The following RNF126 variants were observed in gnomAD, a reference collection of about 807,000 sequenced individuals.
The protein encoded by RNF126 is ring finger protein 126.
RNF126 carries 20 observed loss-of-function variants against 41.9 expected under a neutral mutation model. The observed-to-expected ratio is 0.48, with a 90% confidence interval of 0.34 to 0.69. The LOEUF (loss-of-function observed/expected upper bound fraction) is 0.69. Ranked by LOEUF, RNF126 falls within the 30% of genes least tolerant of loss-of-function variation. The probability of loss-of-function intolerance (pLI) is 0.01; values close to 1 mark genes in which losing one functional copy is unlikely to be tolerated. For missense variants in RNF126, 433 were observed against 460.6 expected, an observed-to-expected ratio of 0.94 and a Z score of 0.55; for synonymous variants, 239 against 202.9, an observed-to-expected ratio of 1.18 and a Z score of -1.51.
chr19:649,479 G>A, intron 6 of RNF126, 200 bp downstream of exon 6: 2 of 581,794 alleles, frequency 3.4e-6, no homozygotes, highest in South Asian at 4.1e-5. Context: ...GAACACAGGA[G>A]AACCCCCAAA....
At chr19:649,267 G>T (rs966104645) in intron 6 of RNF126, 2 of 335,330 alleles carry the variant, frequency 6.0e-6, no homozygotes, top group South Asian at 1.0e-4. Context: ...GGAATGGGGG[G>T]GCCGTGCTCC....
chr19:648,364 G>GGGGGGGGGGGGCCC lies in RNF126; in HGVS notation c.786+7_786+8insGGGCCCCCCCCCCC. Reference sequence around the variant, plus strand: ...CGGGGTGGGGGGGCGGGTGGGCGGGGCACTCACCTGCTCCAGCCAGGGCAC... The same window carrying GGGGGGGGGGGGCCC: ...CGGGGTGGGGGGGCGGGTGGGCGGGGGGGGGGGGGGGCCCCACTCACCTGCTCCAGCCAGGGCAC... On this transcript the variant is annotated splice_region_variant and intron_variant, in intron 8 of 8. Transcript: ENST00000292363. The GGGGGGGGGGGGCCC allele has an allele frequency of 2.0e-6, 1 of 510,488 alleles. No homozygotes were observed. Among genetic ancestry groups the GGGGGGGGGGGGCCC allele is most frequent in the Non-Finnish European group, 3.6e-6 (1 of 278,354 alleles). The allele number at this position is 510,488 out of a possible 1,614,324, so 31.6% of individuals were successfully genotyped here.
At chr19:654,591 T>C (rs1255068786) in intron 1 of RNF126, among the ~76,000 whole-genome samples, 2 of 119,558 alleles carry the variant, frequency 1.7e-5, no homozygotes, top group Non-Finnish European at 1.6e-5. Flanking sequence ...TGCAGTGAGC[T>C]GAGATTGTGC....
chr19:649,141 C>A (rs2030129593), intron 6 of RNF126, 166 bp from the exon 7 acceptor site: 1 of 388,684 alleles, frequency 2.6e-6, no homozygotes, highest in Non-Finnish European at 4.5e-6. Flanking sequence ...GCCCACGCGG[C>A]CCCCCCGCTC....
chr19:651,921 G>A (rs2030319602), intron 3 of RNF126, 66 bp from the exon 4 acceptor site: 6 of 1,445,902 alleles, frequency 4.1e-6, no homozygotes, highest in South Asian at 2.5e-5. Flanking sequence ...GGGCGCTAGG[G>A]CACAAAGACA....
At chr19:661,121 C>T (rs917291893) in intron 1 of RNF126, among the ~76,000 whole-genome samples, 3 of 152,390 alleles carry the variant, frequency 2.0e-5, no homozygotes, top group Admixed American at 1.3e-4. Context: ...GGAAGGCCCT[C>T]CCCAGGCCCA....
At chr19:654,536 G>T (rs919409828) in intron 1 of RNF126, among the ~76,000 whole-genome samples, 2 of 147,920 alleles carry the variant, frequency 1.4e-5, no homozygotes, top group Non-Finnish European at 3.0e-5. Flanking sequence ...CCAGCTACTT[G>T]GGAGGCTGAG....
chr19:651,211 A>G (rs2030262938), intron 4 of RNF126, among the ~76,000 whole-genome samples: 1 of 150,246 alleles, frequency 6.7e-6, no homozygotes, highest in Non-Finnish European at 1.5e-5. Context: ...CGGCTCCCCC[A>G]GGCTCCGTTC....
intron 1 of RNF126, among the ~76,000 whole-genome samples, chr19:662,732 G>A (rs976966194): frequency 1.1e-4 from 16 of 152,072 alleles, no homozygotes; most frequent in Admixed American, 3.3e-4. Context: ...GATCCCACCT[G>A]GGATCCTCGC....
At position 659,368 on chromosome 19, in the gene RNF126, C is replaced by T. The variant is rs966957119; in HGVS notation, c.75+3679G>A. On this transcript the variant is annotated intron_variant, in intron 1 of 8. Transcript: ENST00000292363. This position sits in a 1 kb window ranked among gnomAD's most constrained non-coding sequence, Gnocchi z 4.9. ...CTCCCCGCCCACGCCGGCTCTTCCC[C>T]GCCACCGTGGGCGGCAGGGCCCAGC... Among the ~76,000 whole-genome samples the T allele has an allele frequency of 5.1e-4, 78 of 152,268 alleles. No individual in the cohort carries two copies. Among genetic ancestry groups the T allele is most frequent in the Admixed American group, 3.3e-3 (50 of 15,298 alleles).
At chr19:663,014 C>T (rs1339617341) in intron 1 of RNF126, 33 bp downstream of exon 1, 5 of 1,253,614 alleles carry the variant, frequency 4.0e-6, no homozygotes, top group Non-Finnish European at 5.1e-6. Flanking sequence ...GCGGCGCAGA[C>T]CCTGCCGCCC....
rs948497005 is a variant in RNF126 at position 659,292 on chromosome 19, C to T, written c.75+3755G>A. Reference sequence around the variant, plus strand: ...CCGGGGGGCAGCTGGGGAGACTTCCCGCCTGGCCCCATCAGTGACACTGGC... The same window carrying T: ...CCGGGGGGCAGCTGGGGAGACTTCCTGCCTGGCCCCATCAGTGACACTGGC... On this transcript the variant is annotated intron_variant, in intron 1 of 8. Coordinates refer to ENST00000292363, the MANE Select transcript of RNF126 (RefSeq NM_194460.3). This position sits in a 1 kb window ranked among gnomAD's most constrained non-coding sequence, Gnocchi z 4.9. Among the ~76,000 whole-genome samples the T allele has an allele frequency of 5.3e-5, 8 of 152,292 alleles. No homozygotes were observed. Among genetic ancestry groups the T allele is most frequent in the African/African-American group, 1.7e-4 (7 of 41,566 alleles).
intron 3 of RNF126, among the ~76,000 whole-genome samples, 166 bp downstream of exon 3, chr19:652,067 C>T (rs147496504): frequency 2.4e-4 from 37 of 152,244 alleles, no homozygotes; most frequent in Non-Finnish European, 4.9e-4. Context: ...AAGAAACCAA[C>T]CAAGCAGCGT....
At chr19:649,269 C>T (rs2030150423) in intron 6 of RNF126, 1 of 285,546 alleles carries the variant, frequency 3.5e-6, no homozygotes, top group Non-Finnish European at 6.3e-6. Context: ...AATGGGGGGG[C>T]CGTGCTCCGG....
rs776203272 is a variant in RNF126, at chr19:652,224, G to A, written c.198+9C>T. ...CACGATCGGGAAGCACGAGGGGCGG[G>A]CGACTCACCTCCAACGGTGGCCGGC... is the stretch of plus-strand genomic sequence containing the variant. On this transcript the variant is annotated intron_variant, in intron 3 of 8. Transcript: ENST00000292363. The A allele has an allele frequency of 8.5e-6, 13 of 1,521,900 alleles. No homozygotes were observed. Among genetic ancestry groups the A allele is most frequent in the South Asian group, 1.3e-5 (1 of 77,176 alleles). 94.3% of individuals were successfully genotyped at this position (1,521,900 alleles called of 1,614,324 possible).
intron 8 of RNF126, 47 bp downstream of exon 8, chr19:648,325 G>A (rs199971166): frequency 1.8e-5 from 27 of 1,529,540 alleles, no homozygotes; most frequent in African/African-American, 1.7e-4. Flanking sequence ...GGTTAGAGGC[G>A]GGAGGGCCGC....
At chr19:660,580 C>T (rs2030756653) in intron 1 of RNF126, among the ~76,000 whole-genome samples, 1 of 152,222 alleles carries the variant, frequency 6.6e-6, no homozygotes, top group African/African-American at 2.4e-5. Context: ...TTGCCAGATA[C>T]GGAGCAGCCG....
intron 2 of RNF126, chr19:652,591 C>CT: frequency 1.6e-6 from 1 of 607,946 alleles, no homozygotes; most frequent in Non-Finnish European, 2.9e-6. Context: ...GCCGCCGAGG[C>CT]TGAGGGAGGT....
intron 6 of RNF126, 62 bp from the exon 7 acceptor site, chr19:649,037 C>T (rs899796057): frequency 3.8e-5 from 31 of 826,260 alleles, no homozygotes; most frequent in East Asian, 9.7e-5. Context: ...GGCTCTGAAA[C>T]GCGAGGCTGC....
Sources: gnomAD v4.1 joint callset for allele counts (sites outside exome capture counted in the v4.1 genomes callset) on GRCh38, gnomAD v4.1.1 for gene constraint, Gnocchi (gnomAD v3.1) non-coding constraint, MANE v1.5 for transcripts, NCBI Gene and HGNC (gene_info 2026-07-23, HGNC 2026-07-21) for gene names.